The following ZFR2 variants were observed in gnomAD, a reference collection of about 807,000 sequenced individuals.
ZFR2 encodes zinc finger RNA-binding protein 2.
In ZFR2, 104 loss-of-function variants were observed where a neutral mutation model predicts 105.7. That is an observed-to-expected ratio of 0.98 (90% confidence interval 0.84 to 1.16). The LOEUF (loss-of-function observed/expected upper bound fraction) is 1.16, where lower values mean the gene tolerates loss of function less well. Among genes scored for constraint, ZFR2 ranks in the 50% most tolerant of loss-of-function variants. The pLI is 0.00. For missense variants in ZFR2, 1,425 were observed against 1,355.5 expected, an observed-to-expected ratio of 1.05 and a Z score of -0.80; for synonymous variants, 634 against 597.7, an observed-to-expected ratio of 1.06 and a Z score of -0.89.
Position 3,805,863 on chromosome 19 carries a change from G to C in ZFR2, c.*86C>G, listed in dbSNP as rs772214343. On this transcript the variant is annotated 3_prime_UTR_variant, in exon 19 of 19. Coordinates refer to ENST00000262961, the MANE Select transcript of ZFR2 (RefSeq NM_015174.2). ...CAAAAGGAAATGACCATTGTCCAAC[G>C]TCGGGGATGAAGCAGCCATTGGTCG... 349 of 1,373,356 alleles carry C rather than the reference G, an allele frequency of 2.5e-4. 2 individuals are homozygous for C. Among genetic ancestry groups the C allele is most frequent in the Non-Finnish European group, 3.2e-4 (339 of 1,049,236 alleles). 85.1% of individuals were successfully genotyped at this position (1,373,356 alleles called of 1,614,324 possible). A position where few individuals can be genotyped will look rare whatever the true frequency, so the allele number is the denominator to read the frequency against.
At chr19:3,836,580 T>C (rs1359828844) in intron 1 of ZFR2, among the ~76,000 whole-genome samples, 1 of 152,212 alleles carries the variant, frequency 6.6e-6, no homozygotes. Context: ...CACCTGAGTA[T>C]TAAAATAATT....
intron 5 of ZFR2, among the ~76,000 whole-genome samples, chr19:3,830,484 G>A (rs552771456): frequency 1.1e-4 from 16 of 152,210 alleles, no homozygotes; most frequent in African/African-American, 3.9e-4. Context: ...GAAGGCCGGG[G>A]TCTCTCCCAG....
chr19:3,819,773 A>C (rs1182514032), intron 11 of ZFR2, among the ~76,000 whole-genome samples: 1 of 149,262 alleles, frequency 6.7e-6, no homozygotes, highest in East Asian at 2.0e-4. Context: ...AATCGCTTAA[A>C]CCCTGGAGGC....
chr19:3,828,962 C>CTT (rs34334054), intron 5 of ZFR2, among the ~76,000 whole-genome samples: 153 of 139,776 alleles, frequency 1.1e-3, no homozygotes, highest in Admixed American at 1.6e-3. Flanking sequence ...ACTTAGGAAT[C>CTT]TTTTTTTTTT....
chr19:3,822,016 T>A, intron 9 of ZFR2, 65 bp downstream of exon 9: 1 of 1,520,896 alleles, frequency 6.6e-7, no homozygotes, highest in Non-Finnish European at 8.9e-7. Flanking sequence ...ACCACAGGCC[T>A]CCCAGCGCCC....
chr19:3,867,308 G>GGGT (rs1043580833), intron 1 of ZFR2, among the ~76,000 whole-genome samples: 2 of 151,488 alleles, frequency 1.3e-5, no homozygotes, highest in Non-Finnish European at 2.9e-5. Context: ...AACTGTTGGG[G>GGGT]GGGGAATCTG....
At chr19:3,818,239 G>C (rs1353237003) in intron 12 of ZFR2, among the ~76,000 whole-genome samples, 1 of 152,252 alleles carries the variant, frequency 6.6e-6, no homozygotes, top group Non-Finnish European at 1.5e-5. Context: ...GCCGAGGTGG[G>C]AGGATCGCTT....
At chr19:3,825,190 G>C (rs752092744) in intron 7 of ZFR2, 40 bp downstream of exon 7, 2 of 1,430,462 alleles carry the variant, frequency 1.4e-6, no homozygotes, top group Non-Finnish European at 1.8e-6. Context: ...GGCGGCCAGG[G>C]CTCTGGTGGG....
At chr19:3,829,986 C>T (rs909573995) in intron 5 of ZFR2, among the ~76,000 whole-genome samples, 4 of 152,156 alleles carry the variant, frequency 2.6e-5, no homozygotes, top group African/African-American at 9.7e-5. Context: ...ATGGTAGCCA[C>T]AAGGCAGATA....
chr19:3,819,074 GC>G lies in ZFR2; in HGVS notation c.1901del (p.Gly634AlafsTer20). On this transcript the variant is annotated frameshift_variant, in exon 12 of 19. Coordinates refer to ENST00000262961, the MANE Select transcript of ZFR2 (RefSeq NM_015174.2). LOFTEE classifies it high-confidence loss of function. The stretch of plus-strand genomic sequence containing the variant: ...GCTTGTCACCCTCTTCCTCTCGGCG[GC>G]CCCGGTCCTCCTCGGCCAGTGTGTC... ...VSDTLAEEDR[G>X]RREEEGDKRS... 6.2e-7 allele frequency: 1 copy of G among 1,612,412 alleles called. No homozygotes were observed. The highest frequency in any genetic ancestry group is 8.5e-7 in the Non-Finnish European group (1 of 1,179,788).
intron 12 of ZFR2, among the ~76,000 whole-genome samples, chr19:3,817,493 A>C (rs1184756824): frequency 4.0e-5 from 6 of 151,350 alleles, no homozygotes; most frequent in African/African-American, 1.5e-4. Context: ...CAGGAGATGG[A>C]GGTTGCAGTG....
rs1213257230 is a variant in ZFR2 at position 3,838,924 on chromosome 19, G to A, written c.54-3941C>T. ...ACGTGGCATGCAGCAGGGGCTCCAT[G>A]CACATCTAGGGAGGTCAGGCACATG... On this transcript the variant is annotated intron_variant, in intron 1 of 18. Coordinates refer to ENST00000262961, the MANE Select transcript of ZFR2 (RefSeq NM_015174.2). This position sits in a 1 kb window ranked among gnomAD's most constrained non-coding sequence, Gnocchi z 4.9. 1.3e-5 allele frequency among the ~76,000 whole-genome samples: 2 copies of A among 152,164 alleles called. No individual in the cohort carries two copies. The highest frequency in any genetic ancestry group is 2.4e-5 in the African/African-American group (1 of 41,436).
At chr19:3,846,319 A>G (rs1351098604) in intron 1 of ZFR2, among the ~76,000 whole-genome samples, 1 of 152,234 alleles carries the variant, frequency 6.6e-6, no homozygotes, top group African/African-American at 2.4e-5. Context: ...TTGAATCCAC[A>G]GAGGCAGAAC....
chr19:3,868,821 C>T, intron 1 of ZFR2, 144 bp downstream of exon 1: 2 of 680,728 alleles, frequency 2.9e-6, no homozygotes, highest in Non-Finnish European at 4.1e-6. Flanking sequence ...CTCCCGGCGC[C>T]GCGGCTTCCC....
chr19:3,865,684 A>G (rs1328537447), intron 1 of ZFR2, among the ~76,000 whole-genome samples: 1 of 152,126 alleles, frequency 6.6e-6, no homozygotes, highest in East Asian at 1.9e-4. Flanking sequence ...AAGCTAAGAA[A>G]ACCTACCCAA....
rs1353601598 is a variant in ZFR2, at chr19:3,819,564, C to T, written c.1741-329G>A. Among the ~76,000 whole-genome samples the T allele has an allele frequency of 2.0e-5, 3 of 152,184 alleles. No homozygotes were observed. The South Asian group carries it at 6.2e-4, about 32-fold the overall frequency. ...CACAGCAAGGTGCAAATCCGAGGTT[C>T]CCATTGAGGCCGGGCGCGGTGGCTC... On this transcript the variant is annotated intron_variant, in intron 11 of 18. Transcript: ENST00000262961.
intron 17 of ZFR2, among the ~76,000 whole-genome samples, chr19:3,807,828 G>T (rs1468106722): frequency 1.4e-5 from 2 of 147,268 alleles, no homozygotes; most frequent in Non-Finnish European, 3.0e-5. Flanking sequence ...GCCTGTATGT[G>T]CACTCATTCC....
chr19:3,826,818 C>T (rs1446863902), intron 6 of ZFR2, among the ~76,000 whole-genome samples: 1 of 152,182 alleles, frequency 6.6e-6, no homozygotes, highest in African/African-American at 2.4e-5. Context: ...AAAGGGAACA[C>T]AGCATTGGGT....
intron 1 of ZFR2, chr19:3,855,412 G>C: frequency 8.1e-7 from 1 of 1,231,742 alleles, no homozygotes; most frequent in East Asian, 3.2e-5. Flanking sequence ...CTGACAGAAA[G>C]TGAAAGCAGT....
Sources: gnomAD v4.1 joint callset for allele counts (sites outside exome capture counted in the v4.1 genomes callset) on GRCh38, gnomAD v4.1.1 for gene constraint, Gnocchi (gnomAD v3.1) non-coding constraint, MANE v1.5 for transcripts, NCBI Gene and HGNC (gene_info 2026-07-23, HGNC 2026-07-21) for gene names.